The following EVL variants were observed in gnomAD, a reference collection of about 807,000 sequenced individuals.
The protein encoded by EVL is Enah/Vasp-like.
EVL carries 21 observed loss-of-function variants against 59.6 expected under a neutral mutation model. The observed-to-expected ratio is 0.35, with a 90% CI of 0.25 to 0.51. The LOEUF (loss-of-function observed/expected upper bound fraction) is 0.51, where lower values mean the gene tolerates loss of function less well. Among genes scored for constraint, EVL ranks in the 20% least tolerant of loss-of-function variants. EVL has a pLI of 0.97. For synonymous variants in EVL, 198 were observed against 203.5 expected (o/e 0.97, Z 0.23); for missense variants, 462 against 546.6 (o/e 0.85, Z 1.54).
intron 3 of EVL, chr14:100,102,486 TC>T: frequency 2.5e-6 from 1 of 407,504 alleles, no homozygotes; most frequent in South Asian, 1.8e-5. Context: ...TGTTTGTCAT[TC>T]CTTGGACCTT....
chr14:100,037,519 T>A (rs770478440), intron 1 of EVL, among the ~76,000 whole-genome samples: 3 of 152,232 alleles, frequency 2.0e-5, no homozygotes, highest in Non-Finnish European at 4.4e-5. Flanking sequence ...AGTCCCTGCC[T>A]TCTAGATGAT....
In EVL at chr14:100,108,802, T is replaced by G. The variant is rs1225836302; in HGVS notation, c.358+11144T>G. Among the ~76,000 whole-genome samples, 15 of 152,350 alleles carry G rather than the reference T, an allele frequency of 9.8e-5. No individual in the cohort carries two copies. In the East Asian group the frequency reaches 2.1e-3, roughly 22 times the overall value. On this transcript the variant is annotated intron_variant, in intron 3 of 13. Coordinates refer to ENST00000392920, the MANE Select transcript of EVL (RefSeq NM_016337.3). This position sits in a 1 kb window ranked among gnomAD's most constrained non-coding sequence, Gnocchi z 4.1. ...CTCCCTCCTGCACTCCCACGGGGCT[T>G]TATTTTTGCCTCTGTCCTAACAGTC...
At chr14:100,065,221 G>T (rs577317832), upstream of EVL, 4 of 208,166 alleles carry the variant, frequency 1.9e-5, no homozygotes, top group Non-Finnish European at 3.8e-5. Flanking sequence ...GTTGCCAGCT[G>T]TGGGGGGTTG....
intron 1 of EVL, among the ~76,000 whole-genome samples, chr14:100,015,407 A>G (rs559228450): frequency 2.6e-5 from 4 of 152,154 alleles, no homozygotes; most frequent in African/African-American, 7.2e-5. Context: ...CAGCGTCTCC[A>G]TGTTTGTTTC....
intron 1 of EVL, among the ~76,000 whole-genome samples, chr14:100,075,800 T>C (rs1179870795): frequency 6.6e-6 from 1 of 152,248 alleles, no homozygotes; most frequent in Admixed American, 6.5e-5. Flanking sequence ...AGCATGGTAC[T>C]GGTCACCCTC....
chr14:100,003,532 T>A (rs2060959161), intron 1 of EVL, among the ~76,000 whole-genome samples: 1 of 152,198 alleles, frequency 6.6e-6, no homozygotes, highest in Non-Finnish European at 1.5e-5. Context: ...TTATCCTGCC[T>A]CAGCCTCCCA....
chr14:100,083,560 C>G (rs2062361321), intron 1 of EVL, among the ~76,000 whole-genome samples: 1 of 152,164 alleles, frequency 6.6e-6, no homozygotes, highest in Non-Finnish European at 1.5e-5. Flanking sequence ...CTCCGAGAGA[C>G]TTCCCCTGAA....
intron 3 of EVL, among the ~76,000 whole-genome samples, chr14:100,118,427 A>G (rs996264944): frequency 5.9e-5 from 9 of 152,248 alleles, no homozygotes; most frequent in Admixed American, 1.3e-4. Flanking sequence ...AAAAGGTACA[A>G]TACAAGGACC....
chr14:100,143,262 G>T (rs906461165), intron 13 of EVL, among the ~76,000 whole-genome samples: 6 of 152,092 alleles, frequency 3.9e-5, no homozygotes, highest in African/African-American at 1.4e-4. Context: ...GCTGACCCCT[G>T]CAGGAGCTGG....
chr14:100,090,579 CTAA>C (rs2062543874), intron 2 of EVL, among the ~76,000 whole-genome samples: 1 of 152,154 alleles, frequency 6.6e-6, no homozygotes, highest in Non-Finnish European at 1.5e-5. Flanking sequence ...TGACTTGAAT[CTAA>C]TAATGTATTA....
chr14:100,113,991 G>C (rs1209324869), intron 3 of EVL, among the ~76,000 whole-genome samples: 1 of 152,162 alleles, frequency 6.6e-6, no homozygotes, highest in East Asian at 1.9e-4. Flanking sequence ...AATTGACTCT[G>C]TAAGCAGACT....
At chr14:100,115,562 C>T (rs1887286766) in intron 3 of EVL, among the ~76,000 whole-genome samples, 1 of 152,218 alleles carries the variant, frequency 6.6e-6, no homozygotes, top group South Asian at 2.1e-4. Context: ...TCTAACTTGA[C>T]AGGTCTTTCA....
intron 3 of EVL, 127 bp downstream of exon 3, chr14:100,097,785 C>G: frequency 1.3e-6 from 1 of 794,548 alleles, no homozygotes; most frequent in Non-Finnish European, 1.9e-6. Context: ...CATGTGTTCT[C>G]AGAGAAACCT....
chr14:100,033,725 G>A (rs2140221695), intron 1 of EVL, among the ~76,000 whole-genome samples: 1 of 152,318 alleles, frequency 6.6e-6, no homozygotes, highest in East Asian at 1.9e-4. Context: ...AGCCCTATGA[G>A]ATAGCTGCTC....
At chr14:100,039,224 C>A (rs923920882) in intron 1 of EVL, among the ~76,000 whole-genome samples, 1 of 152,130 alleles carries the variant, frequency 6.6e-6, no homozygotes, top group Non-Finnish European at 1.5e-5. Context: ...TTAAAACAAT[C>A]CTTGTTAGAG....
At chr14:100,051,278 T>C (rs1234874139) in intron 1 of EVL, among the ~76,000 whole-genome samples, 1 of 152,212 alleles carries the variant, frequency 6.6e-6, no homozygotes, top group East Asian at 1.9e-4. Context: ...CTGTCCATGC[T>C]GTCCACGCTA....
intron 1 of EVL, among the ~76,000 whole-genome samples, chr14:100,047,645 A>T (rs2061575617): frequency 6.6e-6 from 1 of 152,128 alleles, no homozygotes. Context: ...TCAAAAACTG[A>T]TCTAAATATT....
chr14:100,073,580 A>G (rs1308740804), intron 1 of EVL, among the ~76,000 whole-genome samples: 1 of 151,998 alleles, frequency 6.6e-6, no homozygotes, highest in Non-Finnish European at 1.5e-5. Flanking sequence ...TTGGCCTCCC[A>G]AAGTGCTGGG....
intron 1 of EVL, among the ~76,000 whole-genome samples, chr14:99,990,638 C>T (rs184894316): frequency 1.1e-4 from 16 of 152,196 alleles, no homozygotes; most frequent in Non-Finnish European, 2.2e-4. Context: ...AGCATAATGT[C>T]CTTGAGGTTC....
Sources: gnomAD v4.1 joint callset for allele counts (sites outside exome capture counted in the v4.1 genomes callset) on GRCh38, gnomAD v4.1.1 for gene constraint, Gnocchi (gnomAD v3.1) non-coding constraint, MANE v1.5 for transcripts, NCBI Gene and HGNC (gene_info 2026-07-23, HGNC 2026-07-21) for gene names.